GMDS: variants seen among roughly 807,000 people sequenced by gnomAD.
GMDS encodes the protein GDP-mannose 4,6 dehydratase.
Under a neutral mutation model 49.9 loss-of-function variants are expected in GMDS, and 20 were observed. The ratio of observed to expected loss-of-function variants is 0.40; its 90% CI spans 0.28 to 0.58. GMDS has a LOEUF of 0.58. Ranked by LOEUF, GMDS falls within the 20% of genes least tolerant of loss-of-function variation. The pLI is 0.42. For synonymous variants in GMDS, 177 were observed against 178.6 expected (o/e 0.99, Z 0.07); for missense variants, 362 against 481.4 (o/e 0.75, Z 2.32).
intron 9 of GMDS, among the ~76,000 whole-genome samples, chr6:1,629,286 G>T (rs977583611): frequency 3.9e-5 from 6 of 152,222 alleles, no homozygotes; most frequent in African/African-American, 1.4e-4. Flanking sequence ...GGTGTTAACA[G>T]CGGTAATGAA....
At chr6:1,897,954 A>ATCCTGGACACCTACCCTGGCCT (rs1561872750) in intron 7 of GMDS, among the ~76,000 whole-genome samples, 262 of 20,766 alleles carry the variant, frequency 0.013, no homozygotes, top group Non-Finnish European at 0.018. Flanking sequence ...TATCCTGGCC[A>ATCCTGGACACCTACCCTGGCCT]CCCTTGCCAT....
chr6:2,133,276 C>T (rs1165730079), intron 1 of GMDS, among the ~76,000 whole-genome samples: 6 of 152,154 alleles, frequency 3.9e-5, no homozygotes, highest in African/African-American at 9.7e-5. Flanking sequence ...TTAATGTTTC[C>T]TTGTGCATTT....
intron 7 of GMDS, among the ~76,000 whole-genome samples, chr6:1,775,477 A>G (rs1412687834): frequency 6.6e-6 from 1 of 152,202 alleles, no homozygotes; most frequent in Non-Finnish European, 1.5e-5. Context: ...AATTACCACA[A>G]GTATACAAAT....
At chr6:1,996,981 A>C (rs1360598945) in intron 4 of GMDS, among the ~76,000 whole-genome samples, 3 of 151,980 alleles carry the variant, frequency 2.0e-5, no homozygotes, top group Admixed American at 6.6e-5. Flanking sequence ...TTTTCCAAGT[A>C]AGTCTTCTGA....
intron 4 of GMDS, among the ~76,000 whole-genome samples, chr6:2,012,745 T>G (rs1298821594): frequency 6.6e-6 from 1 of 152,082 alleles, no homozygotes; most frequent in Admixed American, 6.6e-5. Flanking sequence ...TCCTGCAGAA[T>G]GAATATGCAC....
chr6:1,776,265 T>C (rs1381253730), intron 7 of GMDS, among the ~76,000 whole-genome samples: 6 of 152,244 alleles, frequency 3.9e-5, no homozygotes, highest in African/African-American at 1.4e-4. Flanking sequence ...CTGCCTCTCT[T>C]TGAACAAACG....
intron 4 of GMDS, among the ~76,000 whole-genome samples, chr6:2,026,959 T>C (rs1768639350): frequency 6.6e-6 from 1 of 152,138 alleles, no homozygotes; most frequent in Admixed American, 6.6e-5. Flanking sequence ...ACAGATCATA[T>C]AAGAAATAAT....
intron 1 of GMDS, among the ~76,000 whole-genome samples, chr6:2,233,744 C>T (rs771388511): frequency 2.6e-5 from 4 of 152,114 alleles, no homozygotes; most frequent in Non-Finnish European, 5.9e-5. Context: ...CTCTTGATCC[C>T]GGTGGGGGGC....
At chr6:1,976,970 C>T (rs370693917) in intron 4 of GMDS, among the ~76,000 whole-genome samples, 7 of 152,070 alleles carry the variant, frequency 4.6e-5, no homozygotes, top group East Asian at 1.9e-4. Flanking sequence ...TTGGGATCTG[C>T]GGGCTGATGA....
intron 1 of GMDS, chr6:2,175,831 A>C (rs939462840): frequency 2.9e-6 from 2 of 694,498 alleles, no homozygotes; most frequent in African/African-American, 3.5e-5. Context: ...TAAGCACCTT[A>C]TGCATGAACC....
intron 7 of GMDS, among the ~76,000 whole-genome samples, chr6:1,789,602 C>CA (rs1769452341): frequency 6.8e-6 from 1 of 147,932 alleles, no homozygotes; most frequent in African/African-American, 2.5e-5. Flanking sequence ...GTGGTGCGAT[C>CA]ACGGCTCCCT....
chr6:1,818,026 G>A (rs1349569076), intron 7 of GMDS, among the ~76,000 whole-genome samples: 1 of 152,120 alleles, frequency 6.6e-6, no homozygotes, highest in Non-Finnish European at 1.5e-5. Context: ...TTAAAAGTAT[G>A]CCCCATAATC....
intron 9 of GMDS, among the ~76,000 whole-genome samples, chr6:1,669,527 T>C (rs541297629): frequency 6.6e-6 from 1 of 152,180 alleles, no homozygotes; most frequent in Non-Finnish European, 1.5e-5. Context: ...TGTTTTGCCA[T>C]AAAAATGGGG....
At chr6:1,661,559 G>A (rs538044073) in intron 9 of GMDS, among the ~76,000 whole-genome samples, 3 of 152,194 alleles carry the variant, frequency 2.0e-5, no homozygotes, top group Non-Finnish European at 4.4e-5. Context: ...CAGCACACAC[G>A]GAGGCGTGCT....
rs532991504 is a variant in GMDS, at chr6:2,154,991, A to T, written c.103-30260T>A. On this transcript the variant is annotated intron_variant, in intron 1 of 10. Transcript: ENST00000380815. The stretch of plus-strand genomic sequence containing the variant: ...TTACCTACTTCATATGGTTAAGGCT[A>T]ATATTCAACCTTTAAAGAGGCTGAT... 3.3e-5 allele frequency among the ~76,000 whole-genome samples: 5 copies of T among 152,160 alleles called. No individual in the cohort carries two copies. In the East Asian group the frequency reaches 5.8e-4, roughly 18 times the overall value.
At chr6:1,686,784 G>A (rs1764991994) in intron 9 of GMDS, among the ~76,000 whole-genome samples, 1 of 152,120 alleles carries the variant, frequency 6.6e-6, no homozygotes, top group African/African-American at 2.4e-5. Context: ...TTGCAGGGCT[G>A]GCAATGCTTT....
At chr6:2,225,292 C>T (rs772561842) in intron 1 of GMDS, among the ~76,000 whole-genome samples, 3 of 152,176 alleles carry the variant, frequency 2.0e-5, no homozygotes, top group Non-Finnish European at 4.4e-5. Flanking sequence ...ACTGCACCAC[C>T]GCACTCCATC....
intron 1 of GMDS, among the ~76,000 whole-genome samples, chr6:2,168,593 C>T (rs986285373): frequency 6.6e-6 from 1 of 152,106 alleles, no homozygotes; most frequent in East Asian, 1.9e-4. Context: ...TTTCATAAAC[C>T]ACAAATTTAG....
chr6:1,857,663 T>C (rs1215242754), intron 7 of GMDS, among the ~76,000 whole-genome samples: 1 of 152,230 alleles, frequency 6.6e-6, no homozygotes, highest in African/African-American at 2.4e-5. Flanking sequence ...TGGATGCTTC[T>C]ACCTTTTTTG....
Sources: allele counts gnomAD v4.1 joint callset (sites outside exome capture counted in the v4.1 genomes callset), GRCh38; gene constraint gnomAD v4.1.1; transcripts MANE v1.5; gene names NCBI Gene and HGNC (gene_info 2026-07-23, HGNC 2026-07-21).